PRSS12: variants seen among roughly 807,000 people sequenced by gnomAD.
PRSS12 encodes neurotrypsin.
Under a neutral mutation model 104.4 loss-of-function variants are expected in PRSS12, and 85 were observed. The observed-to-expected ratio is 0.81, with a 90% CI of 0.68 to 0.98. PRSS12 has a LOEUF of 0.98. Ranked by LOEUF, PRSS12 falls within the 50% of genes least tolerant of loss-of-function variation. The pLI is 0.00. For missense variants in PRSS12, 1,141 were observed against 1,139.2 expected (o/e 1.00, Z -0.02); for synonymous variants, 454 against 425.2 (o/e 1.07, Z -0.83).
chr4:118,289,173 T>TA (rs1743077886), intron 11 of PRSS12, among the ~76,000 whole-genome samples: 2 of 152,184 alleles, frequency 1.3e-5, no homozygotes, highest in Non-Finnish European at 2.9e-5. Context: ...ATTATTCTGA[T>TA]ACAAAGATTA....
rs570728620 is a variant in PRSS12 at position 118,323,906 on chromosome 4, G to A, written c.972-5350C>T. 8.6e-5 allele frequency among the ~76,000 whole-genome samples: 13 copies of A among 151,650 alleles called. No homozygotes were observed. In the South Asian group the frequency reaches 2.7e-3, roughly 32 times the overall value. Reference sequence around the variant, plus strand: ...GTGTGTATATATATCTAGATAGATAGATAATTTTTTAAAGACAGCATCTGG... The same window carrying A: ...GTGTGTATATATATCTAGATAGATAAATAATTTTTTAAAGACAGCATCTGG... On this transcript the variant is annotated intron_variant, in intron 4 of 12. Coordinates refer to ENST00000296498, the MANE Select transcript of PRSS12 (RefSeq NM_003619.4).
intron 7 of PRSS12, among the ~76,000 whole-genome samples, chr4:118,311,931 G>A (rs1370839232): frequency 6.6e-6 from 1 of 152,122 alleles, no homozygotes; most frequent in African/African-American, 2.4e-5. Context: ...ATCTGGGGCT[G>A]AGAGAATCCA....
intron 9 of PRSS12, among the ~76,000 whole-genome samples, chr4:118,297,797 T>C (rs1044462160): frequency 2.4e-4 from 37 of 152,230 alleles, no homozygotes; most frequent in Admixed American, 1.7e-3. Flanking sequence ...GTACCACAAA[T>C]TTCTCCAAAA....
chr4:118,314,632 A>G (rs1481825318), intron 6 of PRSS12, among the ~76,000 whole-genome samples: 9 of 152,118 alleles, frequency 5.9e-5, no homozygotes, highest in Non-Finnish European at 1.3e-4. Flanking sequence ...ATTCTTTTTC[A>G]AAAATTCCTT....
In PRSS12 at chr4:118,308,703, TGAGA is replaced by T. The variant is rs1334174954; in HGVS notation, c.1490-130_1490-127del. 8 of 1,315,052 alleles carry T rather than the reference TGAGA, an allele frequency of 6.1e-6. No homozygotes were observed. The African/African-American group carries it at 8.8e-5, about 14-fold the overall frequency. The allele number at this position is 1,315,052 out of a possible 1,614,324, so 81.5% of individuals were successfully genotyped here. A position where few individuals can be genotyped will look rare whatever the true frequency, so the allele number is the denominator to read the frequency against. On this transcript the variant is annotated intron_variant, in intron 7 of 12. Transcript: ENST00000296498. ...TAAAATCAGATGGGAAATACTTTTTTGAGAGAGAGGAGATATATCAATAAAAATT... is the reference window on the plus strand; with the variant it reads ...TAAAATCAGATGGGAAATACTTTTTTGAGAGGAGATATATCAATAAAAATT...
At chr4:118,295,662 T>C in intron 10 of PRSS12, 116 bp downstream of exon 10, 1 of 986,150 alleles carries the variant, frequency 1.0e-6, no homozygotes, top group Non-Finnish European at 1.6e-6. Context: ...CTGAATTTAG[T>C]TTAGAAAATA....
At chr4:118,289,390 T>C (rs1274991486) in intron 11 of PRSS12, among the ~76,000 whole-genome samples, 2 of 152,074 alleles carry the variant, frequency 1.3e-5, no homozygotes, top group African/African-American at 2.4e-5. Flanking sequence ...AGAAGCCCAG[T>C]AGTTGATAAA....
Position 118,294,957 on chromosome 4 carries a change from G to T in PRSS12, c.2021C>A (p.Ala674Glu), listed in dbSNP as rs750961138. 5.6e-6 allele frequency: 9 copies of T among 1,614,136 alleles called. No homozygotes were observed. In the Admixed American group the frequency reaches 1.3e-4, roughly 24 times the overall value. The part of the protein sequence containing the change: ...TLLSSCWVLT[A>E]AHCFKRYGNS... ...CACATACCTCTTGAAACAGTGTGCTGCTGTGAGGACCCAGCAGCTACTCAG... is the reference window on the plus strand; with the variant it reads ...CACATACCTCTTGAAACAGTGTGCTTCTGTGAGGACCCAGCAGCTACTCAG... Residue 674 changes from alanine to glutamate, a missense_variant, in exon 11 of 13, where the codon GCA (alanine) becomes GAA (glutamate). Transcript: ENST00000296498.
chr4:118,323,602 TGGATGTAAGAGAGAATTCCTAG>T lies in PRSS12; in HGVS notation c.972-5068_972-5047del, dbSNP rs1723689811. 5.3e-5 allele frequency among the ~76,000 whole-genome samples: 8 copies of T among 151,874 alleles called. No individual in the cohort carries two copies. In the South Asian group the frequency reaches 1.7e-3, roughly 32 times the overall value. ...TATAGGAACATAGTTTTTATAACCT[TGGATGTAAGAGAGAATTCCTAG>T]GAAACCCAGAAGTCAGAAAACAAAA... On this transcript the variant is annotated intron_variant, in intron 4 of 12. Coordinates refer to ENST00000296498, the MANE Select transcript of PRSS12 (RefSeq NM_003619.4).
chr4:118,316,005 AGGT>A (rs1346967378), intron 6 of PRSS12, among the ~76,000 whole-genome samples, 174 bp downstream of exon 6: 1 of 152,150 alleles, frequency 6.6e-6, no homozygotes, highest in Non-Finnish European at 1.5e-5. Flanking sequence ...AAACAGCAAG[AGGT>A]GGTTATTCAT....
intron 8 of PRSS12, among the ~76,000 whole-genome samples, chr4:118,306,161 T>C (rs184260060): frequency 5.4e-4 from 82 of 152,346 alleles, no homozygotes; most frequent in South Asian, 2.3e-3. Context: ...CTTTCCACAG[T>C]GGCTGTACCA....
chr4:118,340,169 A>G (rs1427583914), intron 1 of PRSS12, among the ~76,000 whole-genome samples: 1 of 152,206 alleles, frequency 6.6e-6, no homozygotes, highest in African/African-American at 2.4e-5. Context: ...TAACAATATA[A>G]TAGCAATGAT....
chr4:118,349,039 T>G (rs1393553068), intron 1 of PRSS12, among the ~76,000 whole-genome samples: 3 of 152,074 alleles, frequency 2.0e-5, no homozygotes, highest in Admixed American at 2.0e-4. Flanking sequence ...TCTGAGCCAC[T>G]GGAACATCCA....
At chr4:118,349,641 C>G (rs1360724357) in intron 1 of PRSS12, among the ~76,000 whole-genome samples, 1 of 152,170 alleles carries the variant, frequency 6.6e-6, no homozygotes, top group Non-Finnish European at 1.5e-5. Flanking sequence ...TTCTCCTATA[C>G]TCCTCATAAT....
At chr4:118,312,847 C>T (rs1447858781) in intron 7 of PRSS12, 1 of 304,026 alleles carries the variant, frequency 3.3e-6, no homozygotes, top group African/African-American at 2.2e-5. Flanking sequence ...TCCCAAATAG[C>T]TCACTAGAAT....
At chr4:118,302,798 A>C (rs1009576592) in intron 8 of PRSS12, among the ~76,000 whole-genome samples, 1 of 117,514 alleles carries the variant, frequency 8.5e-6, no homozygotes, top group African/African-American at 3.0e-5. Flanking sequence ...TCTGTTCTCT[A>C]TGTTTACTTG....
rs1440417207 is a variant in PRSS12, at chr4:118,280,868, T to A, written c.*1068A>T. The A allele has an allele frequency of 6.6e-6, 1 of 152,214 alleles. No individual in the cohort carries two copies. Among genetic ancestry groups the A allele is most frequent in the African/African-American group, 2.4e-5 (1 of 41,440 alleles). The allele number at this position is 152,214 out of a possible 1,614,324, so 9.4% of individuals were successfully genotyped here. The stretch of plus-strand genomic sequence containing the variant: ...GTCTCACTTTGAGGCAAGCCTGTTT[T>A]CCCCCATTTGAAAACAAGGGCTACT... On this transcript the variant is annotated 3_prime_UTR_variant, in exon 13 of 13. Transcript: ENST00000296498.
Position 118,281,657 on chromosome 4 carries a change from G to A in PRSS12, c.*279C>T. On this transcript the variant is annotated 3_prime_UTR_variant, in exon 13 of 13. Transcript: ENST00000296498. ...ATCTTTTGTAAAATCAGCATAGAAT[G>A]ATTTTGAGAAATAGGTAGGGGATAG... 2.1e-6 allele frequency: 1 copy of A among 474,798 alleles called. No homozygotes were observed. The highest frequency in any genetic ancestry group is 3.9e-6 in the Non-Finnish European group (1 of 259,630). The allele number at this position is 474,798 out of a possible 1,614,324, so 29.4% of individuals were successfully genotyped here.
At chr4:118,299,746 T>TAAAATAAATA (rs372943908) in intron 8 of PRSS12, among the ~76,000 whole-genome samples, 5 of 82,426 alleles carry the variant, frequency 6.1e-5, no homozygotes, top group Admixed American at 1.3e-4. Context: ...TAAAATAAAA[T>TAAAATAAATA]AAATAAAATA....
Sources: gnomAD v4.1 joint callset for allele counts (sites outside exome capture counted in the v4.1 genomes callset) on GRCh38, gnomAD v4.1.1 for gene constraint, MANE v1.5 for transcripts, NCBI Gene and HGNC (gene_info 2026-07-23, HGNC 2026-07-21) for gene names.